Variants in BANP observed in about 807,000 individuals in gnomAD.
BANP encodes the protein protein BANP.
BANP carries 11 observed loss-of-function variants against 68.1 expected under a neutral mutation model. The observed-to-expected ratio is 0.16, with a 90% CI of 0.10 to 0.27. BANP has a LOEUF of 0.27. Among genes scored for constraint, BANP ranks in the 10% least tolerant of loss-of-function variants. The pLI is 1.00. For missense variants in BANP, 504 were observed against 722.7 expected, an observed-to-expected ratio of 0.70 and a Z score of 3.47; for synonymous variants, 329 against 303.2, an observed-to-expected ratio of 1.09 and a Z score of -0.88.
At chr16:88,068,231 G>A (rs544144897) in intron 12 of BANP, among the ~76,000 whole-genome samples, 7 of 152,350 alleles carry the variant, frequency 4.6e-5, no homozygotes, top group South Asian at 2.1e-4. Flanking sequence ...CGGGCTTACC[G>A]TGTGCTCCTC....
At chr16:88,025,628 G>A (rs1336358623) in intron 7 of BANP, among the ~76,000 whole-genome samples, 1 of 152,096 alleles carries the variant, frequency 6.6e-6, no homozygotes, top group Non-Finnish European at 1.5e-5. Context: ...GATTCTAAAC[G>A]TGTCTCAAGT....
chr16:88,035,460 C>A, intron 10 of BANP, 66 bp downstream of exon 10: 1 of 1,443,814 alleles, frequency 6.9e-7, no homozygotes, highest in Non-Finnish European at 9.5e-7. Context: ...CGACCTTCAT[C>A]GGTGTCACAG....
intron 1 of BANP, among the ~76,000 whole-genome samples, chr16:87,953,308 T>C (rs2057359500): frequency 6.6e-6 from 1 of 152,218 alleles, no homozygotes; most frequent in African/African-American, 2.4e-5. Context: ...TCAGCCCCGT[T>C]CTTCAAAGAG....
intron 6 of BANP, among the ~76,000 whole-genome samples, chr16:88,017,000 T>G (rs1188430550): frequency 6.6e-6 from 1 of 152,210 alleles, no homozygotes; most frequent in Admixed American, 6.5e-5. Flanking sequence ...CATGGAAATC[T>G]TATATTTCAG....
chr16:88,067,503 A>C (rs1340870736), intron 12 of BANP, among the ~76,000 whole-genome samples: 2 of 151,898 alleles, frequency 1.3e-5, no homozygotes, highest in Non-Finnish European at 2.9e-5. Flanking sequence ...GGCCGGCCCC[A>C]CCTCACCTGC....
intron 8 of BANP, among the ~76,000 whole-genome samples, chr16:88,029,236 G>C (rs563337703): frequency 6.7e-6 from 1 of 149,082 alleles, no homozygotes; most frequent in Non-Finnish European, 1.5e-5. Flanking sequence ...GAATCCAGGA[G>C]GCAGAGGTTG....
chr16:88,010,070 T>C lies in BANP; in HGVS notation c.655+3805T>C, dbSNP rs947800670. Among the ~76,000 whole-genome samples, 7 of 152,280 alleles carry C rather than the reference T, an allele frequency of 4.6e-5. 1 individual carries two copies. The highest frequency in any genetic ancestry group is 1.0e-4 in the Non-Finnish European group (7 of 68,050). On this transcript the variant is annotated intron_variant, in intron 6 of 13. Coordinates refer to ENST00000682872, the MANE Select transcript of BANP (RefSeq NM_001386991.1). ...GAACAGTAGACTGTGTCTTCATTCT[T>C]GTGCTTGCCTTTTGTCAGTAGTTTT...
chr16:87,980,936 T>G, intron 2 of BANP, 100 bp from the exon 3 acceptor site: 2 of 777,746 alleles, frequency 2.6e-6, no homozygotes, highest in South Asian at 3.0e-5. Flanking sequence ...CTGTTTCTCC[T>G]TCAACCTTAA....
chr16:87,990,469 C>G (rs1174027346), intron 4 of BANP, among the ~76,000 whole-genome samples: 1 of 152,186 alleles, frequency 6.6e-6, no homozygotes, highest in East Asian at 1.9e-4. Flanking sequence ...CTGAGCATCT[C>G]TGTTCTGGCA....
At chr16:88,059,725 G>C (rs1456683977) in intron 11 of BANP, among the ~76,000 whole-genome samples, 1 of 152,216 alleles carries the variant, frequency 6.6e-6, no homozygotes, top group Non-Finnish European at 1.5e-5. Flanking sequence ...ACGGAGACGT[G>C]TGCTACTCCT....
At chr16:87,967,963 AG>A (rs1287073903) in intron 1 of BANP, among the ~76,000 whole-genome samples, 1 of 147,222 alleles carries the variant, frequency 6.8e-6, no homozygotes, top group African/African-American at 2.5e-5. Flanking sequence ...CGTGTTGGTC[AG>A]GCTGGTCTCG....
intron 7 of BANP, among the ~76,000 whole-genome samples, chr16:88,019,741 G>A (rs1016213975): frequency 1.3e-5 from 2 of 151,838 alleles, no homozygotes; most frequent in South Asian, 2.1e-4. Context: ...AGCGTGCAGG[G>A]CCAGCTGTTC....
At chr16:87,964,185 T>C (rs2059650329) in intron 1 of BANP, among the ~76,000 whole-genome samples, 1 of 152,240 alleles carries the variant, frequency 6.6e-6, no homozygotes, top group Non-Finnish European at 1.5e-5. Flanking sequence ...ATAGCATTTC[T>C]GACATTCATC....
intron 7 of BANP, among the ~76,000 whole-genome samples, chr16:88,023,053 G>A (rs2076311628): frequency 6.6e-6 from 1 of 152,228 alleles, no homozygotes; most frequent in Non-Finnish European, 1.5e-5. Context: ...TCTGTGAGGT[G>A]AAATGGTGAG....
chr16:87,979,164 T>G (rs2062785088), intron 2 of BANP, among the ~76,000 whole-genome samples: 1 of 152,154 alleles, frequency 6.6e-6, no homozygotes, highest in South Asian at 2.1e-4. Context: ...CTTAAAGGCA[T>G]GGACAGTCTT....
Position 88,057,737 on chromosome 16 carries a change from G to A in BANP, c.1312-7530G>A, listed in dbSNP as rs1399298420. 7.4e-6 allele frequency among the ~76,000 whole-genome samples: 1 copy of A among 134,992 alleles called. No individual in the cohort carries two copies. The highest frequency in any genetic ancestry group is 1.6e-5 in the Non-Finnish European group (1 of 60,850). 88.6% of individuals were successfully genotyped at this position (134,992 alleles called of 152,430 possible). A position where few individuals can be genotyped will look rare whatever the true frequency, so the allele number is the denominator to read the frequency against. ...CTTCTGACAAGTAAGAGAGATGGCGGGGCCATCTGGGTGGGGCGGGGGGGG... is the reference window on the plus strand; with the variant it reads ...CTTCTGACAAGTAAGAGAGATGGCGAGGCCATCTGGGTGGGGCGGGGGGGG... On this transcript the variant is annotated intron_variant, in intron 11 of 13. Transcript: ENST00000682872. This position sits in a 1 kb window ranked among gnomAD's most constrained non-coding sequence, Gnocchi z 4.6.
intron 3 of BANP, among the ~76,000 whole-genome samples, chr16:87,983,075 C>T (rs2063593054): frequency 6.6e-6 from 1 of 152,092 alleles, no homozygotes; most frequent in African/African-American, 2.4e-5. Context: ...GAGCCTACCT[C>T]CCCCTTCCTT....
intron 1 of BANP, chr16:87,956,687 T>C (rs1015342624): frequency 1.3e-5 from 2 of 152,132 alleles, no homozygotes; most frequent in African/African-American, 4.8e-5. Flanking sequence ...AAGCTCAGCC[T>C]GCTTTGGTTG....
At chr16:88,054,426 TACC>T (rs1156676686) in intron 11 of BANP, among the ~76,000 whole-genome samples, 6 of 151,406 alleles carry the variant, frequency 4.0e-5, no homozygotes, top group Non-Finnish European at 7.4e-5. Flanking sequence ...TAACAAACAC[TACC>T]ACCACCACCT....
Sources: gnomAD v4.1 joint callset for allele counts (sites outside exome capture counted in the v4.1 genomes callset) on GRCh38, gnomAD v4.1.1 for gene constraint, Gnocchi (gnomAD v3.1) non-coding constraint, MANE v1.5 for transcripts, NCBI Gene and HGNC (gene_info 2026-07-23, HGNC 2026-07-21) for gene names.